Variants in EPHA6 observed in about 807,000 individuals in gnomAD.
The protein encoded by EPHA6 is EPH receptor A6.
EPHA6 carries 50 observed loss-of-function variants against 112.0 expected under a neutral mutation model. The observed-to-expected ratio is 0.45, with a 90% confidence interval of 0.36 to 0.56. The LOEUF is 0.56. Ranked by LOEUF, EPHA6 falls within the 20% of genes least tolerant of loss-of-function variation. The pLI, the probability that EPHA6 is intolerant of heterozygous loss-of-function variation, is 0.00. For missense variants in EPHA6, 1,280 were observed against 1,417.4 expected, an observed-to-expected ratio of 0.90 and a Z score of 1.56; for synonymous variants, 529 against 490.7, an observed-to-expected ratio of 1.08 and a Z score of -1.03.
At chr3:97,050,918 A>T (rs1286956922) in intron 3 of EPHA6, among the ~76,000 whole-genome samples, 7 of 152,168 alleles carry the variant, frequency 4.6e-5, no homozygotes, top group African/African-American at 1.7e-4. Flanking sequence ...ATAACCTTGG[A>T]ATTCACTCAC....
intron 2 of EPHA6, among the ~76,000 whole-genome samples, chr3:96,952,165 A>G (rs1273822428): frequency 6.6e-6 from 1 of 152,208 alleles, no homozygotes; most frequent in Non-Finnish European, 1.5e-5. Flanking sequence ...CCAGACAAGA[A>G]GGTGAGCTAC....
rs1322776336 is a variant in EPHA6 at position 96,987,795 on chromosome 3, C to A, written c.916C>A (p.Arg306Ser). 1 of 1,613,842 alleles carries A rather than the reference C, an allele frequency of 6.2e-7. No homozygotes were observed. The highest frequency in any genetic ancestry group is 1.3e-5 in the African/African-American group (1 of 74,896). Reference sequence around the variant, plus strand: ...CTACAAGAAATGCCCCTTCACTGTTCGTAACTTGGCCATGTTTCCTGATAC... The same window carrying A: ...CTACAAGAAATGCCCCTTCACTGTTAGTAACTTGGCCATGTTTCCTGATAC... ...VFYKKCPFTV[R>S]NLAMFPDTIP... The change falls in exon 3 of 18, where the codon CGT becomes AGT. Residue 306 changes from arginine to serine, a missense_variant. By Grantham distance (110) the Arg-to-Ser change is moderately radical. This residue lies in a region of EPHA6 where 878 missense variants were observed against 999.7 expected (regional missense o/e 0.88). Coordinates refer to ENST00000389672, the MANE Select transcript of EPHA6 (RefSeq NM_001080448.3).
At chr3:97,581,211 A>G (rs2107285293) in intron 11 of EPHA6, among the ~76,000 whole-genome samples, 1 of 152,362 alleles carries the variant, frequency 6.6e-6, no homozygotes, top group African/African-American at 2.4e-5. Flanking sequence ...TGTATTATTC[A>G]GTGTTCACCA....
At chr3:97,063,974 G>A (rs2046104523) in intron 3 of EPHA6, among the ~76,000 whole-genome samples, 1 of 152,192 alleles carries the variant, frequency 6.6e-6, no homozygotes, top group Admixed American at 6.5e-5. Context: ...TACAAATGGT[G>A]TAGGAGAGAA....
rs916000920 is a variant in EPHA6 at position 97,083,403 on chromosome 3, G to A, written c.1114+95410G>A. ...TTATTGACCATTCGTTAGCTTTGAC[G>A]CTCTTTGGTATTTGCTTTCTGGACA... On this transcript the variant is annotated intron_variant, in intron 3 of 17. Transcript: ENST00000389672. 4.6e-5 allele frequency among the ~76,000 whole-genome samples: 7 copies of A among 151,828 alleles called. No individual in the cohort carries two copies. In the South Asian group the frequency reaches 1.2e-3, roughly 27 times the overall value.
intron 1 of EPHA6, among the ~76,000 whole-genome samples, chr3:96,820,129 T>A (rs934323186): frequency 1.3e-5 from 2 of 152,074 alleles, no homozygotes; most frequent in African/African-American, 2.4e-5. Context: ...TTTGAAAAAC[T>A]GAGTCCAGGG....
At chr3:97,120,107 G>A (rs2048000176) in intron 3 of EPHA6, among the ~76,000 whole-genome samples, 1 of 151,888 alleles carries the variant, frequency 6.6e-6, no homozygotes, top group African/African-American at 2.4e-5. Context: ...CTGATTTGAA[G>A]CTCAGGTTCC....
chr3:97,402,674 A>G (rs9816426), intron 5 of EPHA6, among the ~76,000 whole-genome samples: 6,781 of 152,164 alleles, frequency 0.045, 456 homozygotes, highest in African/African-American at 0.15. Context: ...GACATTATTC[A>G]TTTCTGTTTT....
At chr3:97,096,271 A>G (rs936512435) in intron 3 of EPHA6, among the ~76,000 whole-genome samples, 20 of 141,508 alleles carry the variant, frequency 1.4e-4, no homozygotes, top group Admixed American at 4.1e-4. Context: ...ACACACATAC[A>G]CACCCACACA....
intron 3 of EPHA6, among the ~76,000 whole-genome samples, chr3:96,994,732 T>TATATATATATATATAGAGAGAGAGAG (rs1170197805): frequency 4.9e-5 from 4 of 82,194 alleles, no homozygotes; most frequent in African/African-American, 2.6e-4. Context: ...TATATATATA[T>TATATATATATATATAGAGAGAGAGAG]AGAGAGAGAG....
At chr3:96,914,546 G>A (rs1285152833) in intron 2 of EPHA6, among the ~76,000 whole-genome samples, 6 of 152,118 alleles carry the variant, frequency 3.9e-5, no homozygotes, top group Admixed American at 3.9e-4. Context: ...TAATAGAGAC[G>A]AAGCGTTCCG....
At chr3:97,349,891 G>T (rs147033106) in intron 5 of EPHA6, among the ~76,000 whole-genome samples, 45 of 151,792 alleles carry the variant, frequency 3.0e-4, no homozygotes, top group African/African-American at 9.9e-4. Context: ...TTGGGTTTAT[G>T]AATATCTTTT....
chr3:97,068,164 AG>A (rs774417312), intron 3 of EPHA6, among the ~76,000 whole-genome samples: 5,013 of 95,512 alleles, frequency 0.052, 429 homozygotes, highest in African/African-American at 0.27. Flanking sequence ...CAAAAAAAAA[AG>A]AAAAAAAAAA....
intron 11 of EPHA6, among the ~76,000 whole-genome samples, chr3:97,554,688 G>A (rs2093077690): frequency 6.6e-6 from 1 of 151,978 alleles, no homozygotes; most frequent in Non-Finnish European, 1.5e-5. Flanking sequence ...TCCAGCCTCA[G>A]GAGGTAGAAC....
At chr3:96,970,994 G>A (rs1342054304) in intron 2 of EPHA6, among the ~76,000 whole-genome samples, 1 of 151,892 alleles carries the variant, frequency 6.6e-6, no homozygotes, top group Admixed American at 6.6e-5. Context: ...ATATATTGTT[G>A]AACATAAGAC....
intron 1 of EPHA6, among the ~76,000 whole-genome samples, chr3:96,826,793 A>C (rs562273572): frequency 6.6e-6 from 1 of 152,036 alleles, no homozygotes; most frequent in Non-Finnish European, 1.5e-5. Context: ...AAGTTTTTTC[A>C]CTTTTCTTTT....
At chr3:97,307,768 T>C (rs1004807521) in intron 5 of EPHA6, among the ~76,000 whole-genome samples, 1 of 151,700 alleles carries the variant, frequency 6.6e-6, no homozygotes, top group Admixed American at 6.6e-5. Flanking sequence ...ATACACCACA[T>C]GGGTAGTGTT....
intron 3 of EPHA6, among the ~76,000 whole-genome samples, chr3:97,002,194 A>C (rs1183713018): frequency 6.6e-6 from 1 of 151,792 alleles, no homozygotes; most frequent in Non-Finnish European, 1.5e-5. Context: ...TGTTAATTGA[A>C]GATTCTCTAT....
At chr3:97,647,789 A>G (rs963830669) in intron 14 of EPHA6, among the ~76,000 whole-genome samples, 2 of 152,176 alleles carry the variant, frequency 1.3e-5, no homozygotes, top group African/African-American at 4.8e-5. Context: ...TTTTATAACC[A>G]GTTCCAGAGG....
Sources: allele counts gnomAD v4.1 joint callset (sites outside exome capture counted in the v4.1 genomes callset), GRCh38; gene constraint gnomAD v4.1.1; regional missense constraint gnomAD v4.1.1; transcripts MANE v1.5; gene names NCBI Gene and HGNC (gene_info 2026-07-23, HGNC 2026-07-21).